The following RUNX1 variants were observed in gnomAD, a reference collection of about 807,000 sequenced individuals.
RUNX1 encodes runt-related transcription factor 1.
A neutral mutation model predicts 42.8 loss-of-function variants in RUNX1; 19 were observed. The ratio of observed to expected loss-of-function variants is 0.44; its 90% CI spans 0.31 to 0.65. RUNX1 has a LOEUF of 0.65. Among genes scored for constraint, RUNX1 ranks in the 30% least tolerant of loss-of-function variants. The probability of loss-of-function intolerance (pLI) is 0.07; values close to 1 mark genes in which losing one functional copy is unlikely to be tolerated. For missense variants in RUNX1, 528 were observed against 672.0 expected (o/e 0.79, Z 2.37); for synonymous variants, 271 against 289.4 (o/e 0.94, Z 0.64).
At chr21:34,836,786 G>C (rs1434916981) in intron 6 of RUNX1, among the ~76,000 whole-genome samples, 1 of 152,212 alleles carries the variant, frequency 6.6e-6, no homozygotes, top group Non-Finnish European at 1.5e-5. Context: ...GGGTGACCCA[G>C]GAGAGTGATG....
rs1448121459 is a variant in RUNX1 at position 34,901,698 on chromosome 21, G to A, written c.59-8735C>T. 6.6e-6 allele frequency among the ~76,000 whole-genome samples: 1 copy of A among 152,124 alleles called. No individual in the cohort carries two copies. ...TCCGTCAGCTACAGACAGAGGTTAT[G>A]TTTTAAGAGATAGACTGAGAAGTCA... On this transcript the variant is annotated intron_variant, in intron 2 of 8. Coordinates refer to ENST00000675419, the MANE Select transcript of RUNX1 (RefSeq NM_001754.5). This position sits in a 1 kb window ranked among gnomAD's most constrained non-coding sequence, Gnocchi z 4.3.
chr21:35,036,636 G>A (rs1437043740), intron 2 of RUNX1, among the ~76,000 whole-genome samples: 1 of 152,190 alleles, frequency 6.6e-6, no homozygotes, highest in African/African-American at 2.4e-5. Context: ...CAGAGGACTG[G>A]TGACATGGAC....
chr21:35,022,885 T>C (rs2059209119), intron 2 of RUNX1, among the ~76,000 whole-genome samples: 1 of 72,212 alleles, frequency 1.4e-5, no homozygotes, highest in Non-Finnish European at 3.7e-5. Flanking sequence ...ACATGAATGA[T>C]ACTCTGTTTG....
At chr21:34,864,717 G>C (rs1309502005) in intron 5 of RUNX1, among the ~76,000 whole-genome samples, 1 of 152,198 alleles carries the variant, frequency 6.6e-6, no homozygotes, top group Non-Finnish European at 1.5e-5. Context: ...ACTGAACCCT[G>C]ACCACCACAG....
At chr21:34,808,968 G>A (rs545205908) in intron 7 of RUNX1, among the ~76,000 whole-genome samples, 8 of 152,276 alleles carry the variant, frequency 5.3e-5, no homozygotes, top group Non-Finnish European at 8.8e-5. Flanking sequence ...ATAGTTCAGA[G>A]GGAACAGAAG....
intron 7 of RUNX1, among the ~76,000 whole-genome samples, chr21:34,813,761 G>A (rs911192826): frequency 2.0e-5 from 3 of 151,938 alleles, no homozygotes; most frequent in African/African-American, 7.3e-5. Context: ...GCAAATCACC[G>A]TCAACATTAC....
chr21:35,025,695 G>A (rs2059230617), intron 2 of RUNX1, among the ~76,000 whole-genome samples: 1 of 152,114 alleles, frequency 6.6e-6, no homozygotes, highest in Non-Finnish European at 1.5e-5. Context: ...TAGGAGTGAG[G>A]CCATGAGACA....
chr21:34,912,620 T>C (rs886843771), intron 2 of RUNX1, among the ~76,000 whole-genome samples: 6 of 152,226 alleles, frequency 3.9e-5, no homozygotes, highest in Non-Finnish European at 5.9e-5. Context: ...CTCAGTCCCA[T>C]TGCCCCAGCC....
At chr21:34,889,865 G>C in intron 3 of RUNX1, 1 of 1,085,958 alleles carries the variant, frequency 9.2e-7, no homozygotes, top group East Asian at 4.9e-5. Flanking sequence ...CCTCCCTGCC[G>C]GGCCCTGCAC....
chr21:34,951,896 T>C (rs1036895710), intron 2 of RUNX1, among the ~76,000 whole-genome samples: 2 of 152,212 alleles, frequency 1.3e-5, no homozygotes, highest in Non-Finnish European at 2.9e-5. Context: ...CAAAGGATTA[T>C]AAATCATTCT....
intron 2 of RUNX1, among the ~76,000 whole-genome samples, chr21:34,966,632 G>C (rs1569129217): frequency 6.6e-6 from 1 of 152,170 alleles, no homozygotes; most frequent in Non-Finnish European, 1.5e-5. Context: ...ACCAATCAAT[G>C]ACAACTTACT....
chr21:34,898,313 TG>T (rs1486478030), intron 2 of RUNX1, among the ~76,000 whole-genome samples: 3 of 152,164 alleles, frequency 2.0e-5, no homozygotes, highest in Admixed American at 6.5e-5. Context: ...GGGCTAAATT[TG>T]TTTAAGGTGC....
chr21:34,893,850 G>T (rs563056016), intron 2 of RUNX1, among the ~76,000 whole-genome samples: 1 of 151,348 alleles, frequency 6.6e-6, no homozygotes, highest in Non-Finnish European at 1.5e-5. Context: ...TAAATAGGCA[G>T]GAAAACAAGA....
chr21:35,014,219 A>AT (rs573036867), intron 2 of RUNX1, among the ~76,000 whole-genome samples: 24 of 152,286 alleles, frequency 1.6e-4, no homozygotes, highest in East Asian at 5.8e-4. Flanking sequence ...AATTAATTGG[A>AT]TTTTTTAAGG....
intron 5 of RUNX1, among the ~76,000 whole-genome samples, chr21:34,860,702 A>C (rs1359682700): frequency 6.6e-6 from 1 of 152,256 alleles, no homozygotes; most frequent in East Asian, 1.9e-4. Context: ...AGCATAAAGT[A>C]AATCAAAGAC....
intron 2 of RUNX1, chr21:35,038,967 G>A (rs1315333010): frequency 2.9e-6 from 1 of 342,886 alleles, no homozygotes; most frequent in Non-Finnish European, 5.8e-6. Flanking sequence ...GGCACATGGT[G>A]GGTGCTTAAC....
chr21:34,881,863 G>T (rs1316831574), intron 4 of RUNX1, among the ~76,000 whole-genome samples: 1 of 152,090 alleles, frequency 6.6e-6, no homozygotes, highest in African/African-American at 2.4e-5. Context: ...ATTTACTATT[G>T]GCTGTATTTC....
rs144541609 is a variant in RUNX1 at position 34,999,361 on chromosome 21, C to T, written c.58+49481G>A. On this transcript the variant is annotated intron_variant, in intron 2 of 8. Transcript: ENST00000675419. ...TTTAGTGTCTGTTTTGGAAGTGTTG[C>T]TATCTGTGTTTTATAGGTGACAAAA... Among the ~76,000 whole-genome samples the T allele has an allele frequency of 6.5e-3, 997 of 152,330 alleles. 11 individuals are homozygous for T. The highest frequency in any genetic ancestry group is 0.023 in the African/African-American group (940 of 41,580).
chr21:34,972,071 T>C (rs1196250396), intron 2 of RUNX1, among the ~76,000 whole-genome samples: 2 of 152,222 alleles, frequency 1.3e-5, no homozygotes, highest in African/African-American at 4.8e-5. Flanking sequence ...CATTTTTATA[T>C]CCACTACCCA....
Sources: allele counts gnomAD v4.1 joint callset (sites outside exome capture counted in the v4.1 genomes callset), GRCh38; gene constraint gnomAD v4.1.1; non-coding constraint Gnocchi (gnomAD v3.1); transcripts MANE v1.5; gene names NCBI Gene and HGNC (gene_info 2026-07-23, HGNC 2026-07-21).